PRDM15: variants seen among roughly 807,000 people sequenced by gnomAD.
The protein encoded by PRDM15 is PR domain zinc finger protein 15.
PRDM15 carries 64 observed loss-of-function variants against 128.6 expected under a neutral mutation model. The observed-to-expected ratio is 0.50, with a 90% CI of 0.41 to 0.61. PRDM15 has a LOEUF of 0.61. Among genes scored for constraint, PRDM15 ranks in the 20% least tolerant of loss-of-function variants. The probability of loss-of-function intolerance (pLI) is 0.00; values close to 1 mark genes in which losing one functional copy is unlikely to be tolerated. For synonymous variants in PRDM15, 615 were observed against 621.8 expected, an observed-to-expected ratio of 0.99 and a Z score of 0.16; for missense variants, 1,242 against 1,569.1, an observed-to-expected ratio of 0.79 and a Z score of 3.52.
At chr21:41,826,746 T>C (rs115529090) in intron 12 of PRDM15, among the ~76,000 whole-genome samples, 1,623 of 152,224 alleles carry the variant, frequency 0.011, 32 homozygotes, top group African/African-American at 0.037. Context: ...AAACTGGACG[T>C]TGGACAAACG....
chr21:41,802,942 G>A (rs2061455657), intron 22 of PRDM15, 21 bp from the exon 23 acceptor site: 5 of 1,608,698 alleles, frequency 3.1e-6, no homozygotes, highest in East Asian at 2.2e-5. Context: ...ATCGGTTTCA[G>A]CCGAGAACCA....
At chr21:41,856,084 CTCCCTCCCCTCCCTCCCTTCCT>C (rs2063598108) in intron 4 of PRDM15, among the ~76,000 whole-genome samples, 6 of 12,540 alleles carry the variant, frequency 4.8e-4, no homozygotes, top group Admixed American at 1.2e-3. Context: ...CCTTCCTTCC[CTCCCTCCCCTCCCTCCCTTCCT>C]TTCCTTCCTT....
At chr21:41,853,707 G>A (rs1482642830) in intron 5 of PRDM15, among the ~76,000 whole-genome samples, 1 of 152,202 alleles carries the variant, frequency 6.6e-6, no homozygotes, top group Admixed American at 6.5e-5. Flanking sequence ...CAGCAGGAAT[G>A]CTAGATTTGG....
At chr21:41,869,502 A>G (rs571593944) in intron 1 of PRDM15, among the ~76,000 whole-genome samples, 1 of 149,224 alleles carries the variant, frequency 6.7e-6, no homozygotes, top group East Asian at 2.0e-4. Flanking sequence ...GCTGGGGTCC[A>G]ATGGTGCGAT....
intron 1 of PRDM15, among the ~76,000 whole-genome samples, chr21:41,866,812 C>A (rs1474538324): frequency 6.6e-6 from 1 of 152,136 alleles, no homozygotes; most frequent in Admixed American, 6.5e-5. Flanking sequence ...AGGGTGCGAC[C>A]GGGGCCTGCA....
At chr21:41,818,158 T>C (rs180746229) in intron 18 of PRDM15, among the ~76,000 whole-genome samples, 11 of 152,016 alleles carry the variant, frequency 7.2e-5, no homozygotes, top group Non-Finnish European at 1.5e-4. Flanking sequence ...CTTGGGGGCA[T>C]TGGGGAGGAA....
chr21:41,859,756 G>T lies in PRDM15; in HGVS notation c.38-71C>A. ...CCTAAAGAACACAAACCTGGGAAATGGGGACCCTGGCCCCATGAGGGTGAC... is the reference window on the plus strand; with the variant it reads ...CCTAAAGAACACAAACCTGGGAAATTGGGACCCTGGCCCCATGAGGGTGAC... On this transcript the variant is annotated intron_variant, in intron 2 of 23. Coordinates refer to ENST00000398548, the MANE Select transcript of PRDM15 (RefSeq NM_001040424.3). The surrounding 1 kb of genome is among the most constrained non-coding windows in gnomAD (Gnocchi z 5.3). The T allele has an allele frequency of 7.6e-7, 1 of 1,310,842 alleles. No individual in the cohort carries two copies. Among genetic ancestry groups the T allele is most frequent in the South Asian group, 1.2e-5 (1 of 81,032 alleles). 81.2% of individuals were successfully genotyped at this position (1,310,842 alleles called of 1,614,324 possible).
intron 8 of PRDM15, among the ~76,000 whole-genome samples, chr21:41,837,692 T>C (rs563439998): frequency 1.1e-4 from 16 of 152,374 alleles, no homozygotes; most frequent in Non-Finnish European, 1.9e-4. Flanking sequence ...GTTAAATTTA[T>C]GCATATTTAA....
intron 19 of PRDM15, among the ~76,000 whole-genome samples, chr21:41,815,419 G>A (rs939486926): frequency 6.6e-6 from 1 of 152,202 alleles, no homozygotes; most frequent in African/African-American, 2.4e-5. Flanking sequence ...ACATTCCTGA[G>A]GGGGAAACAG....
rs950305689 is a variant in PRDM15 at position 41,846,639 on chromosome 21, G to A, written c.640+451C>T. On this transcript the variant is annotated intron_variant, in intron 6 of 23. Coordinates refer to ENST00000398548, the MANE Select transcript of PRDM15 (RefSeq NM_001040424.3). Reference sequence around the variant, plus strand: ...TTGAGCCTGTCAGGTCAAGGCTGCAGTGAGCCACGATCATGCCACTGCACT... The same window carrying A: ...TTGAGCCTGTCAGGTCAAGGCTGCAATGAGCCACGATCATGCCACTGCACT... Among the ~76,000 whole-genome samples the A allele has an allele frequency of 8.5e-5, 13 of 152,384 alleles. 2 individuals are homozygous for A. Among genetic ancestry groups the A allele is most frequent in the East Asian group, 3.9e-4 (2 of 5,194 alleles).
At chr21:41,837,651 C>A (rs889326370) in intron 8 of PRDM15, among the ~76,000 whole-genome samples, 3 of 152,170 alleles carry the variant, frequency 2.0e-5, no homozygotes, top group Admixed American at 6.5e-5. Flanking sequence ...CTGAATGCCA[C>A]TAAATTGTGC....
chr21:41,867,149 AC>A, intron 1 of PRDM15: 2 of 362,876 alleles, frequency 5.5e-6, no homozygotes, highest in Non-Finnish European at 5.1e-6. Context: ...CAGAAACCTC[AC>A]TGACTATCTG....
At chr21:41,839,035 G>T (rs1410565709) in intron 7 of PRDM15, among the ~76,000 whole-genome samples, 5 of 152,170 alleles carry the variant, frequency 3.3e-5, no homozygotes, top group African/African-American at 1.2e-4. Context: ...AGGACCACAG[G>T]GACAAGAGCC....
In PRDM15 at chr21:41,804,514, T is replaced by G. The variant is rs758808892; in HGVS notation, c.2733+20A>C. 6.4e-7 allele frequency: 1 copy of G among 1,553,220 alleles called. No individual in the cohort carries two copies. Among genetic ancestry groups the G allele is most frequent in the African/African-American group, 1.4e-5 (1 of 73,538 alleles). On this transcript the variant is annotated intron_variant, in intron 22 of 23. Coordinates refer to ENST00000398548, the MANE Select transcript of PRDM15 (RefSeq NM_001040424.3). ...ACTTACCCCAAAGTTTCTGAGCCCC[T>G]GGGGCCCCATGCTGCTCACCTGGAC...
chr21:41,861,559 G>A (rs7276603), intron 1 of PRDM15: 155,481 of 1,599,918 alleles, frequency 0.097, 8,574 homozygotes, highest in Middle Eastern at 0.22. Flanking sequence ...CCAACTGTGC[G>A]CACCGGCATG....
rs1196301443 is a variant in PRDM15 at position 41,815,747 on chromosome 21, C to T, written c.2350G>A (p.Ala784Thr). 4.3e-6 allele frequency: 7 copies of T among 1,613,950 alleles called. No individual in the cohort carries two copies. Among genetic ancestry groups the T allele is most frequent in the Middle Eastern group, 1.6e-4 (1 of 6,084 alleles). ...YECKECHRRF[A>T]QKVNMLKHCK... Reference sequence around the variant, plus strand: ...TGCTTGAGCATGTTGACCTTCTGCGCGAACCTGCGGTGGCACTCCTTGCAC... The same window carrying T: ...TGCTTGAGCATGTTGACCTTCTGCGTGAACCTGCGGTGGCACTCCTTGCAC... The change falls in exon 19 of 24, where the codon GCG becomes ACG. Residue 784 changes from alanine to threonine, a missense_variant. By Grantham distance (58) the Ala-to-Thr change is moderately conservative. Coordinates refer to ENST00000398548, the MANE Select transcript of PRDM15 (RefSeq NM_001040424.3).
intron 21 of PRDM15, among the ~76,000 whole-genome samples, chr21:41,806,063 CCA>C (rs1568880251): frequency 1.2e-4 from 10 of 82,720 alleles, no homozygotes; most frequent in African/African-American, 3.5e-4. Context: ...ACCACCATCA[CCA>C]TCACCACCAC....
chr21:41,854,199 G>A lies in PRDM15; in HGVS notation c.538+367C>T, dbSNP rs1315302245. Reference sequence around the variant, plus strand: ...CACATGCTGGACAGGCTGGTAGCTAGAACAGGCTACACCATACAGCCTGGG... The same window carrying A: ...CACATGCTGGACAGGCTGGTAGCTAAAACAGGCTACACCATACAGCCTGGG... On this transcript the variant is annotated intron_variant, in intron 5 of 23. Coordinates refer to ENST00000398548, the MANE Select transcript of PRDM15 (RefSeq NM_001040424.3). The surrounding 1 kb of genome is among the most constrained non-coding windows in gnomAD (Gnocchi z 4.6). Among the ~76,000 whole-genome samples, 1 of 152,176 alleles carries A rather than the reference G, an allele frequency of 6.6e-6. No individual in the cohort carries two copies. Among genetic ancestry groups the A allele is most frequent in the African/African-American group, 2.4e-5 (1 of 41,442 alleles).
At chr21:41,818,241 C>T (rs983746748) in intron 18 of PRDM15, among the ~76,000 whole-genome samples, 9 of 152,200 alleles carry the variant, frequency 5.9e-5, no homozygotes, top group South Asian at 4.1e-4. Context: ...CAGCCTGTCC[C>T]GCTAAGGCAG....
Sources: allele counts gnomAD v4.1 joint callset (sites outside exome capture counted in the v4.1 genomes callset), GRCh38; gene constraint gnomAD v4.1.1; non-coding constraint Gnocchi (gnomAD v3.1); transcripts MANE v1.5; gene names NCBI Gene and HGNC (gene_info 2026-07-23, HGNC 2026-07-21).